HMCN1: variants seen among roughly 807,000 people sequenced by gnomAD.
HMCN1 encodes hemicentin 1.
A neutral mutation model predicts 625.9 loss-of-function variants in HMCN1; 321 were observed. The observed-to-expected ratio is 0.51, with a 90% CI of 0.47 to 0.56. HMCN1 has a LOEUF of 0.56. Ranked by LOEUF, HMCN1 falls within the 20% of genes least tolerant of loss-of-function variation. The pLI, the probability that HMCN1 is intolerant of heterozygous loss-of-function variation, is 0.00. For missense variants in HMCN1, 6,588 were observed against 6,887.3 expected, an observed-to-expected ratio of 0.96 and a Z score of 1.54; for synonymous variants, 2,425 against 2,417.6, an observed-to-expected ratio of 1.00 and a Z score of -0.09.
Position 186,082,820 on chromosome 1 carries a change from G to T in HMCN1, c.8788-45G>T, listed in dbSNP as rs759855339. 10 of 1,052,732 alleles carry T rather than the reference G, an allele frequency of 9.5e-6. No individual in the cohort carries two copies. In the East Asian group the frequency reaches 2.1e-4, roughly 22 times the overall value. 65.2% of individuals were successfully genotyped at this position (1,052,732 alleles called of 1,614,324 possible). The stretch of plus-strand genomic sequence containing the variant: ...AAAAAATAGACAAATATGACAAGTT[G>T]CTTTATTCAAAATTTTATTTGGAAT... On this transcript the variant is annotated intron_variant, in intron 56 of 106. Transcript: ENST00000271588.
chr1:185,768,340 G>C (rs1442783115), intron 1 of HMCN1, among the ~76,000 whole-genome samples: 1 of 152,052 alleles, frequency 6.6e-6, no homozygotes, highest in Admixed American at 6.6e-5. Flanking sequence ...ATGATGGGCT[G>C]GAAAAAAGTA....
chr1:186,181,485 C>T (rs1652928596), intron 104 of HMCN1, among the ~76,000 whole-genome samples: 1 of 152,066 alleles, frequency 6.6e-6, no homozygotes, highest in Non-Finnish European at 1.5e-5. Flanking sequence ...TTCAACAAAA[C>T]TGTGAAGTAG....
In HMCN1 at chr1:186,053,929, T is replaced by C. The variant is rs1201557431; in HGVS notation, c.6805T>C (p.Cys2269Arg). Residue 2269 changes from cysteine to arginine, a missense_variant, in exon 44 of 107, where the codon TGT (cysteine) becomes CGT (arginine). Coordinates refer to ENST00000271588, the MANE Select transcript of HMCN1 (RefSeq NM_031935.3). Reference protein sequence around the residue: ...AEKSDAALYSCVASNVAGTAK... With the variant: ...AEKSDAALYSRVASNVAGTAK... ...AAAGTCTGATGCAGCACTCTATTCA[T>C]GTGTGGCGTCGAATGTTGCTGGGAC... 6.2e-7 allele frequency: 1 copy of C among 1,612,692 alleles called. No homozygotes were observed. The highest frequency in any genetic ancestry group is 8.5e-7 in the Non-Finnish European group (1 of 1,179,238).
intron 64 of HMCN1, among the ~76,000 whole-genome samples, chr1:186,092,024 A>G (rs1382011055): frequency 6.6e-6 from 1 of 151,950 alleles, no homozygotes; most frequent in South Asian, 2.1e-4. Context: ...CAAGTACTAC[A>G]TATTTGATGG....
chr1:186,084,194 A>G (rs1039888383), intron 57 of HMCN1, among the ~76,000 whole-genome samples: 2 of 152,122 alleles, frequency 1.3e-5, no homozygotes, highest in Admixed American at 6.6e-5. Context: ...AGTGCTCTAG[A>G]CAGATGGCCA....
intron 11 of HMCN1, among the ~76,000 whole-genome samples, chr1:185,944,241 C>A (rs773724525): frequency 6.6e-6 from 1 of 152,026 alleles, no homozygotes; most frequent in Non-Finnish European, 1.5e-5. Flanking sequence ...CCTATGTTCT[C>A]GCTTATAAGT....
At chr1:185,791,395 G>A (rs1342193462) in intron 1 of HMCN1, among the ~76,000 whole-genome samples, 1 of 152,004 alleles carries the variant, frequency 6.6e-6, no homozygotes, top group Non-Finnish European at 1.5e-5. Flanking sequence ...GAGTGATGTG[G>A]GTTACACTGA....
intron 4 of HMCN1, among the ~76,000 whole-genome samples, chr1:185,872,011 CG>C (rs1207582263): frequency 2.6e-5 from 4 of 152,122 alleles, no homozygotes; most frequent in Non-Finnish European, 5.9e-5. Flanking sequence ...TAAGTAGAAA[CG>C]GGTGTTTCCT....
At chr1:185,822,199 C>A (rs1360792962) in intron 1 of HMCN1, among the ~76,000 whole-genome samples, 2 of 151,950 alleles carry the variant, frequency 1.3e-5, no homozygotes, top group Non-Finnish European at 2.9e-5. Context: ...CTAAGGAAAA[C>A]AATAGACTAG....
chr1:186,060,518 T>C (rs531523599), intron 46 of HMCN1, among the ~76,000 whole-genome samples: 200 of 152,192 alleles, frequency 1.3e-3, no homozygotes, highest in African/African-American at 4.6e-3. Flanking sequence ...CTCCTCCAAA[T>C]TACACCCCCA....
chr1:186,144,663 T>A lies in HMCN1; in HGVS notation c.14226T>A (p.Ser4742Arg), dbSNP rs777676003. Residue 4742 changes from serine (S) to arginine (R), a missense_variant, in exon 91 of 107, where the codon AGT becomes AGA. Coordinates refer to ENST00000271588, the MANE Select transcript of HMCN1 (RefSeq NM_031935.3). ...ATGGAGGAAGGAAATGCGAAGGGAG[T>A]GATGTCCAGAGTGATTTTTGCAACA... is the stretch of plus-strand genomic sequence containing the variant. ...PQYGGRKCEGSDVQSDFCNSD... is the reference protein window; with the variant it reads ...PQYGGRKCEGRDVQSDFCNSD... 1 of 1,613,856 alleles carries A rather than the reference T, an allele frequency of 6.2e-7. No homozygotes were observed. The highest frequency in any genetic ancestry group is 1.1e-5 in the South Asian group (1 of 91,080).
At chr1:185,953,813 C>T (rs1027068733) in intron 11 of HMCN1, among the ~76,000 whole-genome samples, 1 of 151,734 alleles carries the variant, frequency 6.6e-6, no homozygotes, top group Non-Finnish European at 1.5e-5. Context: ...GTGTGAGCAA[C>T]ATGGCTGTTT....
intron 2 of HMCN1, among the ~76,000 whole-genome samples, chr1:185,854,889 A>G (rs990769421): frequency 2.0e-5 from 3 of 152,222 alleles, no homozygotes; most frequent in African/African-American, 4.8e-5. Context: ...TTAAATAATC[A>G]CAGCATTCCA....
At chr1:186,118,117 G>A (rs1015658966) in intron 77 of HMCN1, among the ~76,000 whole-genome samples, 2 of 152,006 alleles carry the variant, frequency 1.3e-5, no homozygotes, top group African/African-American at 2.4e-5. Context: ...GTTCTATGAA[G>A]GAAAATTTTT....
In HMCN1 at chr1:185,911,697, G is replaced by A. The variant is rs376944712; in HGVS notation, c.817G>A (p.Gly273Ser). The change falls in exon 6 of 107, where the codon GGC becomes AGC. Residue 273 changes from glycine to serine, a missense_variant. Gly to Ser is a moderately conservative substitution (Grantham distance 56, BLOSUM62 0). Around this residue, in one of 3 missense-constraint regions of HMCN1, gnomAD observed 4,628 missense variants for 4,853.1 expected, o/e 0.95. Transcript: ENST00000271588. ...AGGGAAGCTGATAAAAAAGGGATTT[G>A]GCCTGCATGAGCTATTAAATATCCA... is the stretch of plus-strand genomic sequence containing the variant. ...PLGKLIKKGFGLHELLNIHNS... is the reference protein window; with the variant it reads ...PLGKLIKKGFSLHELLNIHNS... The A allele has an allele frequency of 6.2e-7, 1 of 1,612,856 alleles. No individual in the cohort carries two copies. The highest frequency in any genetic ancestry group is 8.5e-7 in the Non-Finnish European group (1 of 1,178,988).
chr1:185,764,902 T>C (rs942602175), intron 1 of HMCN1, among the ~76,000 whole-genome samples: 12 of 152,214 alleles, frequency 7.9e-5, no homozygotes, highest in African/African-American at 2.7e-4. Flanking sequence ...ATCTGTCACA[T>C]GCTCAGACCT....
intron 4 of HMCN1, among the ~76,000 whole-genome samples, chr1:185,900,744 A>G (rs1483628781): frequency 2.0e-5 from 3 of 151,920 alleles, no homozygotes; most frequent in Admixed American, 1.3e-4. Context: ...TTAGGAGGCT[A>G]TTTGGAAATA....
At chr1:185,940,522 T>C (rs1488370980) in intron 11 of HMCN1, among the ~76,000 whole-genome samples, 2 of 152,220 alleles carry the variant, frequency 1.3e-5, no homozygotes, top group South Asian at 2.1e-4. Context: ...TTTTCATATG[T>C]AGAAAAAAAT....
intron 68 of HMCN1, among the ~76,000 whole-genome samples, chr1:186,101,755 A>G (rs373047999): frequency 2.0e-5 from 3 of 152,210 alleles, no homozygotes; most frequent in East Asian, 3.9e-4. Context: ...TGCCTTATTA[A>G]TCTTTGTATT....
Sources: allele counts gnomAD v4.1 joint callset (sites outside exome capture counted in the v4.1 genomes callset), GRCh38; gene constraint gnomAD v4.1.1; regional missense constraint gnomAD v4.1.1; transcripts MANE v1.5; gene names NCBI Gene and HGNC (gene_info 2026-07-23, HGNC 2026-07-21).